Variants in UNC79 observed in about 807,000 individuals in gnomAD.
The protein encoded by UNC79 is unc-79 subunit of NALCN channel complex.
A neutral mutation model predicts 283.1 loss-of-function variants in UNC79; 37 were observed. That is an observed-to-expected ratio of 0.13 (90% CI 0.10 to 0.17). The LOEUF is 0.17. UNC79 is among the 10% of genes least tolerant of loss of function. The pLI is 1.00. For synonymous variants in UNC79, 1,107 were observed against 1,200.2 expected (o/e 0.92, Z 1.61); for missense variants, 2,272 against 3,211.1 (o/e 0.71, Z 7.07).
At position 93,617,040 on chromosome 14, in the gene UNC79, T is replaced by C; in HGVS notation, c.4042-82T>C. The stretch of plus-strand genomic sequence containing the variant: ...TTTGCCTGTTAAAAATTTTAACCAC[T>C]GGGATGGCTCAAATTTTTCCTTTTG... On this transcript the variant is annotated intron_variant, in intron 27 of 48. Coordinates refer to ENST00000555664, the Ensembl canonical transcript of UNC79. This position sits in a 1 kb window ranked among gnomAD's most constrained non-coding sequence, Gnocchi z 4.5. 1 of 1,333,530 alleles carries C rather than the reference T, an allele frequency of 7.5e-7. No homozygotes were observed. Among genetic ancestry groups the C allele is most frequent in the South Asian group, 1.6e-5 (1 of 62,856 alleles). 82.6% of individuals were successfully genotyped at this position (1,333,530 alleles called of 1,614,324 possible). A position where few individuals can be genotyped will look rare whatever the true frequency, so the allele number is the denominator to read the frequency against.
chr14:93,400,617 G>C (rs976632269), intron 1 of UNC79, among the ~76,000 whole-genome samples: 4 of 152,152 alleles, frequency 2.6e-5, no homozygotes, highest in Non-Finnish European at 4.4e-5. Context: ...GTGAATAAAG[G>C]CTTAATGACG....
chr14:93,662,121 T>C (rs754408213), intron 39 of UNC79, among the ~76,000 whole-genome samples: 16 of 152,218 alleles, frequency 1.1e-4, no homozygotes, highest in Admixed American at 2.0e-4. Context: ...CTGATTAACA[T>C]TGGCAGGAGG....
chr14:93,695,966 G>GGTTACTCA (rs2075093549), intron 47 of UNC79, among the ~76,000 whole-genome samples: 1 of 148,826 alleles, frequency 6.7e-6, no homozygotes, highest in Admixed American at 6.9e-5. Context: ...CCTTCAGTTG[G>GGTTACTCA]GTTACTCATC....
At position 93,368,512 on chromosome 14, in the gene UNC79, G is replaced by A. The variant is rs534302262; in HGVS notation, c.-351+34989G>A. On this transcript the variant is annotated intron_variant, in intron 1 of 49. Coordinates refer to the UNC79 transcript ENST00000256339. ...TTTTGAGACATAGTCTTGTTCTGTC[G>A]TCCAGGCTGGAGTGCAGTAGGATGA... is the stretch of plus-strand genomic sequence containing the variant. Among the ~76,000 whole-genome samples the A allele has an allele frequency of 5.9e-5, 9 of 151,996 alleles. No homozygotes were observed. In the East Asian group the frequency reaches 7.7e-4, roughly 13 times the overall value.
chr14:93,499,752 T>C (rs898268381), intron 7 of UNC79, among the ~76,000 whole-genome samples: 4 of 151,826 alleles, frequency 2.6e-5, no homozygotes, highest in African/African-American at 9.7e-5. Context: ...ACAGAAAGGG[T>C]CTCTAACCTC....
intron 20 of UNC79, among the ~76,000 whole-genome samples, chr14:93,585,507 T>C (rs2064155878): frequency 6.6e-6 from 1 of 152,242 alleles, no homozygotes; most frequent in Non-Finnish European, 1.5e-5. Context: ...CAAGTACTTA[T>C]GACAAGCATT....
intron 1 of UNC79, among the ~76,000 whole-genome samples, chr14:93,346,320 G>A (rs1354686077): frequency 2.0e-5 from 3 of 152,156 alleles, no homozygotes; most frequent in Non-Finnish European, 4.4e-5. Context: ...TTTTATTACA[G>A]TACTAAATTT....
intron 2 of UNC79, among the ~76,000 whole-genome samples, chr14:93,472,375 G>T (rs1411239942): frequency 6.6e-6 from 1 of 152,076 alleles, no homozygotes; most frequent in Non-Finnish European, 1.5e-5. Flanking sequence ...ATACAGTCAG[G>T]TGGTAACTGG....
chr14:93,334,045 G>C (rs2053519696), intron 1 of UNC79, among the ~76,000 whole-genome samples: 1 of 152,194 alleles, frequency 6.6e-6, no homozygotes, highest in African/African-American at 2.4e-5. Context: ...TGTTTAACAA[G>C]TTTTGTGTCA....
At chr14:93,339,251 T>C (rs1024106862) in intron 1 of UNC79, among the ~76,000 whole-genome samples, 1 of 152,162 alleles carries the variant, frequency 6.6e-6, no homozygotes, top group Non-Finnish European at 1.5e-5. Context: ...ACCAGATGAC[T>C]CAAAGACTTT....
chr14:93,665,184 T>A (rs1176960360), intron 40 of UNC79, among the ~76,000 whole-genome samples: 3 of 148,198 alleles, frequency 2.0e-5, no homozygotes, highest in South Asian at 2.1e-4. Flanking sequence ...GATAAGCATA[T>A]GAAAAATAAA....
At chr14:93,440,123 A>G (rs2056238916) in intron 1 of UNC79, among the ~76,000 whole-genome samples, 1 of 152,120 alleles carries the variant, frequency 6.6e-6, no homozygotes, top group South Asian at 2.1e-4. Flanking sequence ...ATTCGGTATT[A>G]TAAAACAGAG....
At chr14:93,345,814 C>T (rs1023580253) in intron 1 of UNC79, among the ~76,000 whole-genome samples, 1 of 151,944 alleles carries the variant, frequency 6.6e-6, no homozygotes, top group African/African-American at 2.4e-5. Context: ...GTCTTACCCA[C>T]TGCTAATCCA....
intron 5 of UNC79, among the ~76,000 whole-genome samples, chr14:93,495,185 A>G (rs2058961747): frequency 6.6e-6 from 1 of 152,222 alleles, no homozygotes; most frequent in Non-Finnish European, 1.5e-5. Flanking sequence ...ACACTGCTAT[A>G]AAGAACTGCC....
At chr14:93,338,719 C>A (rs1476387302) in intron 1 of UNC79, among the ~76,000 whole-genome samples, 1 of 151,962 alleles carries the variant, frequency 6.6e-6, no homozygotes, top group Non-Finnish European at 1.5e-5. Context: ...CCAGCCTGGG[C>A]AACATGGCAA....
At chr14:93,667,962 T>G (rs2072401292) in intron 40 of UNC79, among the ~76,000 whole-genome samples, 1 of 152,252 alleles carries the variant, frequency 6.6e-6, no homozygotes, top group South Asian at 2.1e-4. Flanking sequence ...TTCAGTCATT[T>G]ATCATAAGCT....
chr14:93,607,535 G>A (rs1214476591), intron 26 of UNC79, among the ~76,000 whole-genome samples: 3 of 152,200 alleles, frequency 2.0e-5, no homozygotes, highest in African/African-American at 7.2e-5. Context: ...GGGTATTTCT[G>A]CCCTGTGGGA....
At position 93,616,800 on chromosome 14, in the gene UNC79, G is replaced by T. The variant is rs527614206; in HGVS notation, c.4042-322G>T. Among the ~76,000 whole-genome samples the T allele has an allele frequency of 2.0e-5, 3 of 152,240 alleles. No homozygotes were observed. The South Asian group carries it at 6.2e-4, about 32-fold the overall frequency. ...CTAGGAATTCCCATTTCTGCAGGTG[G>T]TTACCAATACTAGGTTTCTTCATTG... On this transcript the variant is annotated intron_variant, in intron 27 of 48. Coordinates refer to ENST00000555664, the Ensembl canonical transcript of UNC79.
chr14:93,493,889 A>AT (rs2058864640), intron 5 of UNC79, among the ~76,000 whole-genome samples: 1 of 63,514 alleles, frequency 1.6e-5, no homozygotes, highest in Non-Finnish European at 3.3e-5. Context: ...ATATATATAT[A>AT]TATATATATA....
Sources: allele counts gnomAD v4.1 joint callset (sites outside exome capture counted in the v4.1 genomes callset), GRCh38; gene constraint gnomAD v4.1.1; non-coding constraint Gnocchi (gnomAD v3.1); transcripts MANE v1.5; gene names NCBI Gene and HGNC (gene_info 2026-07-23, HGNC 2026-07-21).